Variants in SPON1 observed in about 807,000 individuals in gnomAD.
SPON1 encodes the protein spondin 1.
A neutral mutation model predicts 111.7 loss-of-function variants in SPON1; 52 were observed. The ratio of observed to expected loss-of-function variants is 0.47; its 90% CI spans 0.37 to 0.59. The LOEUF (loss-of-function observed/expected upper bound fraction) is 0.59. SPON1 is among the 20% of genes least tolerant of loss of function. SPON1 has a pLI of 0.00. For synonymous variants in SPON1, 410 were observed against 395.8 expected (o/e 1.04, Z -0.43); for missense variants, 957 against 1,068.5 (o/e 0.90, Z 1.46).
chr11:14,218,415 G>A (rs10766175), intron 6 of SPON1, among the ~76,000 whole-genome samples: 51,402 of 151,912 alleles, frequency 0.34, 9,061 homozygotes, highest in Admixed American at 0.44. Flanking sequence ...TCCCTGACTT[G>A]CCATTATGTG....
chr11:14,049,425 A>G (rs1848692445), intron 3 of SPON1, among the ~76,000 whole-genome samples: 1 of 152,140 alleles, frequency 6.6e-6, no homozygotes, highest in Non-Finnish European at 1.5e-5. Flanking sequence ...TCTGAGTCAC[A>G]CCACTTACCT....
At chr11:14,038,447 C>T (rs1249441967) in intron 2 of SPON1, among the ~76,000 whole-genome samples, 1 of 151,688 alleles carries the variant, frequency 6.6e-6, no homozygotes, top group Non-Finnish European at 1.5e-5. Flanking sequence ...CCAGCCTGGG[C>T]AATAGAATGA....
chr11:14,020,335 A>AATGAG (rs1180112333), intron 2 of SPON1, among the ~76,000 whole-genome samples: 1 of 152,206 alleles, frequency 6.6e-6, no homozygotes, highest in Non-Finnish European at 1.5e-5. Context: ...CATCTGGCAG[A>AATGAG]GCTTTGAGCA....
At chr11:14,062,158 C>T (rs140833899) in intron 3 of SPON1, among the ~76,000 whole-genome samples, 41 of 152,258 alleles carry the variant, frequency 2.7e-4, no homozygotes, top group African/African-American at 9.6e-4. Context: ...TTGACTGACA[C>T]TTATTTTTCC....
At chr11:14,154,339 A>G (rs1554930175) in intron 6 of SPON1, among the ~76,000 whole-genome samples, 1 of 152,174 alleles carries the variant, frequency 6.6e-6, no homozygotes, top group Non-Finnish European at 1.5e-5. Flanking sequence ...TCTGGAATAT[A>G]TGTCAGCCTC....
chr11:14,133,792 A>G (rs1847553941), intron 5 of SPON1, among the ~76,000 whole-genome samples: 2 of 152,240 alleles, frequency 1.3e-5, no homozygotes, highest in African/African-American at 2.4e-5. Flanking sequence ...CTCTAGGGAT[A>G]TGAGAGATGA....
rs1449525587 is a variant in SPON1, at chr11:13,962,768, T to C, written c.-137T>C. The C allele has an allele frequency of 2.6e-6, 2 of 777,804 alleles. No homozygotes were observed. The highest frequency in any genetic ancestry group is 2.2e-5 in the South Asian group (1 of 46,424). 48.2% of individuals were successfully genotyped at this position (777,804 alleles called of 1,614,324 possible). On this transcript the variant is annotated 5_prime_UTR_variant, in exon 1 of 16. Transcript: ENST00000576479. ...CCGCCAAGCCGAGGCGGGCACGGTC[T>C]CCGAGTCGCGGACGCCAGCTCCGAG...
chr11:14,259,574 C>T lies in SPON1; in HGVS notation c.1704C>T (p.Asp568=), dbSNP rs201638834. 1.2e-3 allele frequency: 1,887 copies of T among 1,553,162 alleles called. 3 individuals are homozygous for T. The highest frequency in any genetic ancestry group is 3.5e-3 in the Middle Eastern group (21 of 5,984). ...SCLMTEWGEW[D]ECSATCGMGM... is the part of the protein sequence containing the mutation. Reference sequence around the variant, plus strand: ...TGATGACCGAGTGGGGCGAGTGGGACGAGTGCAGCGCCACCTGCGGCATGG... The same window carrying T: ...TGATGACCGAGTGGGGCGAGTGGGATGAGTGCAGCGCCACCTGCGGCATGG... The change falls in exon 13 of 16, where the codon GAC becomes GAT. Residue 568 remains aspartate, a synonymous_variant. Coordinates refer to ENST00000576479, the MANE Select transcript of SPON1 (RefSeq NM_006108.4). The surrounding 1 kb of genome is among the most constrained non-coding windows in gnomAD (Gnocchi z 5.0).
At chr11:14,139,937 G>A (rs987606266) in intron 6 of SPON1, among the ~76,000 whole-genome samples, 10 of 152,062 alleles carry the variant, frequency 6.6e-5, no homozygotes, top group Admixed American at 1.3e-4. Flanking sequence ...ATTGTGCTTA[G>A]AACTAAAAAA....
At chr11:13,972,899 C>T (rs1479587032) in intron 1 of SPON1, among the ~76,000 whole-genome samples, 1 of 152,162 alleles carries the variant, frequency 6.6e-6, no homozygotes, top group African/African-American at 2.4e-5. Flanking sequence ...GCTCTTGCTT[C>T]AGGCATAAAT....
chr11:14,146,720 T>G (rs1440612668), intron 6 of SPON1, among the ~76,000 whole-genome samples: 2 of 152,214 alleles, frequency 1.3e-5, no homozygotes, highest in Admixed American at 1.3e-4. Flanking sequence ...TAAAACAACA[T>G]TAACTAAAAC....
In SPON1 at chr11:14,141,021, G is replaced by GCCCC. The variant is rs541380689; in HGVS notation, c.825+5458_825+5461dup. Reference sequence around the variant, plus strand: ...TAAAACATCCACTGTATGCAGGCGTGCCCCCCCCATGCCCCACTTCTCACT... The same window carrying GCCCC: ...TAAAACATCCACTGTATGCAGGCGTGCCCCCCCCCCCCATGCCCCACTTCTCACT... On this transcript the variant is annotated intron_variant, in intron 6 of 15. Transcript: ENST00000576479. 3.9e-3 allele frequency among the ~76,000 whole-genome samples: 448 copies of GCCCC among 114,520 alleles called. 6 individuals are homozygous for GCCCC. Among genetic ancestry groups the GCCCC allele is most frequent in the African/African-American group, 0.013 (421 of 32,182 alleles). The allele number at this position is 114,520 out of a possible 152,430, so 75.1% of individuals were successfully genotyped here.
intron 2 of SPON1, among the ~76,000 whole-genome samples, chr11:14,009,138 C>G (rs1848386081): frequency 6.6e-6 from 1 of 152,178 alleles, no homozygotes; most frequent in African/African-American, 2.4e-5. Flanking sequence ...TTCCCTGTGT[C>G]CTCATCATCT....
rs782815527 is a variant in SPON1 at position 14,253,856 on chromosome 11, G to T, written c.891-672G>T. Among the ~76,000 whole-genome samples, 69 of 152,188 alleles carry T rather than the reference G, an allele frequency of 4.5e-4. 1 individual carries two copies. The highest frequency in any genetic ancestry group is 7.9e-4 in the Admixed American group (12 of 15,282). On this transcript the variant is annotated intron_variant, in intron 7 of 15. Coordinates refer to ENST00000576479, the MANE Select transcript of SPON1 (RefSeq NM_006108.4). The stretch of plus-strand genomic sequence containing the variant: ...ATGAAATAATATGGGACTGCCACCC[G>T]CTGTGTGCTTTGCGAATGTGACTCT...
intron 5 of SPON1, among the ~76,000 whole-genome samples, chr11:14,127,438 C>T (rs1246866641): frequency 6.6e-6 from 1 of 152,160 alleles, no homozygotes; most frequent in African/African-American, 2.4e-5. Flanking sequence ...TCAGACACTG[C>T]ATGATTCATG....
At position 14,068,600 on chromosome 11, in the gene SPON1, A is replaced by C. The variant is rs117378041; in HGVS notation, c.480-6745A>C. Among the ~76,000 whole-genome samples the C allele has an allele frequency of 6.9e-4, 105 of 152,286 alleles. 2 individuals carry two copies. The East Asian group carries it at 0.019, about 27-fold the overall frequency. ...TGCCAAGGGTCTCTTTTAGGTGTGC[A>C]GCTCTACTGCAAAGTTCCCGTCCCT... is the stretch of plus-strand genomic sequence containing the variant. On this transcript the variant is annotated intron_variant, in intron 3 of 15. Transcript: ENST00000576479.
chr11:14,106,506 G>A (rs1444805905), intron 5 of SPON1, among the ~76,000 whole-genome samples: 3 of 152,106 alleles, frequency 2.0e-5, no homozygotes, highest in East Asian at 1.9e-4. Flanking sequence ...AATCACAAGT[G>A]GAGTTTCTGC....
At chr11:14,239,492 G>A (rs187982696) in intron 6 of SPON1, among the ~76,000 whole-genome samples, 13 of 152,248 alleles carry the variant, frequency 8.5e-5, no homozygotes, top group East Asian at 1.9e-4. Flanking sequence ...TTGGGAGGCC[G>A]AGGCGGGCAG....
At chr11:14,087,481 C>G (rs1849015965) in intron 5 of SPON1, among the ~76,000 whole-genome samples, 1 of 152,144 alleles carries the variant, frequency 6.6e-6, no homozygotes, top group Non-Finnish European at 1.5e-5. Context: ...ATCCTGAGTT[C>G]TAGTTTGATT....
Sources: gnomAD v4.1 joint callset for allele counts (sites outside exome capture counted in the v4.1 genomes callset) on GRCh38, gnomAD v4.1.1 for gene constraint, Gnocchi (gnomAD v3.1) non-coding constraint, MANE v1.5 for transcripts, NCBI Gene and HGNC (gene_info 2026-07-23, HGNC 2026-07-21) for gene names.